The following TRIO variants were observed in gnomAD, a reference collection of about 807,000 sequenced individuals.
TRIO encodes the protein triple functional domain protein.
TRIO carries 58 observed loss-of-function variants against 351.9 expected under a neutral mutation model. That is an observed-to-expected ratio of 0.16 (90% CI 0.13 to 0.21). TRIO has a LOEUF of 0.21. Ranked by LOEUF, TRIO falls within the 10% of genes least tolerant of loss-of-function variation. TRIO has a pLI of 1.00. For missense variants in TRIO, 3,201 were observed against 4,027.8 expected (o/e 0.79, Z 5.56); for synonymous variants, 1,758 against 1,595.7 (o/e 1.10, Z -2.42).
chr5:14,391,367 C>T (rs1747069783), intron 27 of TRIO, among the ~76,000 whole-genome samples: 1 of 152,184 alleles, frequency 6.6e-6, no homozygotes, highest in Non-Finnish European at 1.5e-5. Context: ...TTTTCCCCCT[C>T]AGTAAAACAA....
chr5:14,496,806 C>G (rs1191927947), intron 49 of TRIO, 73 bp from the exon 50 acceptor site: 4 of 1,571,058 alleles, frequency 2.5e-6, no homozygotes, highest in Non-Finnish European at 3.5e-6. Context: ...TTCAGCTTTT[C>G]TTTAACGCTT....
At chr5:14,223,320 G>T (rs1039732524) in intron 1 of TRIO, among the ~76,000 whole-genome samples, 3 of 152,168 alleles carry the variant, frequency 2.0e-5, no homozygotes, top group Non-Finnish European at 4.4e-5. Flanking sequence ...CCAGAAAAAC[G>T]ATGTAAACAG....
chr5:14,470,471 T>C (rs1257912948), intron 37 of TRIO, among the ~76,000 whole-genome samples: 1 of 152,258 alleles, frequency 6.6e-6, no homozygotes, highest in Non-Finnish European at 1.5e-5. Flanking sequence ...ATAAATCTTA[T>C]GTGTTCTGTG....
At chr5:14,332,316 A>G (rs1355271281) in intron 10 of TRIO, among the ~76,000 whole-genome samples, 1 of 152,216 alleles carries the variant, frequency 6.6e-6, no homozygotes, top group Non-Finnish European at 1.5e-5. Context: ...TCATTTAGGA[A>G]AGCAGGAGAC....
At chr5:14,147,788 C>T (rs1487828197) in intron 1 of TRIO, among the ~76,000 whole-genome samples, 2 of 152,122 alleles carry the variant, frequency 1.3e-5, no homozygotes, top group Non-Finnish European at 2.9e-5. Flanking sequence ...TGGCCTGGGG[C>T]GGGCTGTGCT....
intron 8 of TRIO, among the ~76,000 whole-genome samples, chr5:14,307,121 A>C (rs1475717531): frequency 6.6e-6 from 1 of 152,192 alleles, no homozygotes; most frequent in Non-Finnish European, 1.5e-5. Flanking sequence ...GGGCTACAGG[A>C]AAGTGGTAGA....
At chr5:14,504,827 A>T (rs1245872214) in intron 55 of TRIO, among the ~76,000 whole-genome samples, 25 of 152,128 alleles carry the variant, frequency 1.6e-4, no homozygotes, top group Admixed American at 1.6e-3. Context: ...GCTGGGATGG[A>T]ACACCTGATA....
chr5:14,458,350 C>T (rs1459685456), intron 34 of TRIO, among the ~76,000 whole-genome samples: 1 of 152,110 alleles, frequency 6.6e-6, no homozygotes, highest in Non-Finnish European at 1.5e-5. Context: ...CAGATGAGGC[C>T]CCTGCCTTCC....
chr5:14,497,126 C>G lies in TRIO; in HGVS notation c.8019+109C>G. Reference sequence around the variant, plus strand: ...GCTGGGCTTGCTTATGACCTCCCTCCCACCCACCAGCCCCGTGCCCTGCGT... The same window carrying G: ...GCTGGGCTTGCTTATGACCTCCCTCGCACCCACCAGCCCCGTGCCCTGCGT... On this transcript the variant is annotated intron_variant, in intron 50 of 56. Coordinates refer to ENST00000344204, the MANE Select transcript of TRIO (RefSeq NM_007118.4). The surrounding 1 kb of genome is among the most constrained non-coding windows in gnomAD (Gnocchi z 4.4). The G allele has an allele frequency of 6.8e-7, 1 of 1,471,396 alleles. No homozygotes were observed. The highest frequency in any genetic ancestry group is 2.5e-5 in the East Asian group (1 of 40,780). 91.1% of individuals were successfully genotyped at this position (1,471,396 alleles called of 1,614,324 possible).
chr5:14,143,827 G>T lies in TRIO; in HGVS notation c.102G>T (p.Glu34Asp). 2.8e-6 allele frequency: 3 copies of T among 1,067,844 alleles called. No homozygotes were observed. The highest frequency in any genetic ancestry group is 4.4e-5 in the South Asian group (1 of 22,862). 66.1% of individuals were successfully genotyped at this position (1,067,844 alleles called of 1,614,324 possible). A position where few individuals can be genotyped will look rare whatever the true frequency, so the allele number is the denominator to read the frequency against. The change falls in exon 1 of 57, where the codon GAG becomes GAT. Residue 34 changes from glutamate (E) to aspartate (D), a missense_variant. Glu to Asp is a conservative substitution (Grantham distance 45, BLOSUM62 2). Around this residue, in one of 19 missense-constraint regions of TRIO, gnomAD observed 109 missense variants for 134.6 expected, o/e 0.81. Transcript: ENST00000344204. ...CGGGCTGCGGGGGCGGTGCCGGCGAGGGGGCAGAGGAGGCGGCCAAGGACC... is the reference window on the plus strand; with the variant it reads ...CGGGCTGCGGGGGCGGTGCCGGCGATGGGGCAGAGGAGGCGGCCAAGGACC... ...AGSGCGGGAGEGAEEAAKDLA... is the reference protein window; with the variant it reads ...AGSGCGGGAGDGAEEAAKDLA...
intron 37 of TRIO, among the ~76,000 whole-genome samples, chr5:14,467,900 A>G (rs763211810): frequency 3.3e-5 from 5 of 152,212 alleles, no homozygotes; most frequent in Non-Finnish European, 5.9e-5. Flanking sequence ...CAAGTTGATA[A>G]AACTGTCTAA....
chr5:14,478,772 G>A (rs1755288894), intron 41 of TRIO, among the ~76,000 whole-genome samples: 1 of 145,956 alleles, frequency 6.9e-6, no homozygotes, highest in Non-Finnish European at 1.5e-5. Context: ...TGAAAAAGCA[G>A]GACTCCATCC....
intron 34 of TRIO, among the ~76,000 whole-genome samples, chr5:14,428,800 A>G (rs1750854813): frequency 6.6e-6 from 1 of 152,232 alleles, no homozygotes; most frequent in African/African-American, 2.4e-5. Context: ...ACTTGCTTTA[A>G]ATGGCCATGA....
Position 14,419,788 on chromosome 5 carries a change from G to T in TRIO, c.4970G>T (p.Gly1657Val). The change falls in exon 34 of 57, where the codon GGC becomes GTC. Residue 1657 changes from glycine (G) to valine (V), a missense_variant. By Grantham distance (109) the Gly-to-Val change is moderately radical. Around this residue, in one of 19 missense-constraint regions of TRIO, gnomAD observed 136 missense variants for 229.5 expected, o/e 0.59. Coordinates refer to ENST00000344204, the MANE Select transcript of TRIO (RefSeq NM_007118.4). ...NTLDSDKLSG[G>V]CELTVVIHDF... Reference sequence around the variant, plus strand: ...CTCTGTTCCCCCCAGCTCTCTGGTGGCTGTGAGCTGACAGTGGTGATCCAT... The same window carrying T: ...CTCTGTTCCCCCCAGCTCTCTGGTGTCTGTGAGCTGACAGTGGTGATCCAT... 1.2e-6 allele frequency: 2 copies of T among 1,614,174 alleles called. No homozygotes were observed. The highest frequency in any genetic ancestry group is 1.3e-5 in the African/African-American group (1 of 75,040).
chr5:14,286,739 G>A lies in TRIO; in HGVS notation c.348-132G>A, dbSNP rs1188429057. 1.2e-6 allele frequency: 1 copy of A among 861,706 alleles called. No homozygotes were observed. Among genetic ancestry groups the A allele is most frequent in the East Asian group, 2.6e-5 (1 of 38,370 alleles). 53.4% of individuals were successfully genotyped at this position (861,706 alleles called of 1,614,324 possible). The stretch of plus-strand genomic sequence containing the variant: ...GGGACGAGAAGGAGCTGAGCACAGT[G>A]TGCTCCTTCCCCTGCCTCCGCACGT... On this transcript the variant is annotated intron_variant, in intron 3 of 56. Transcript: ENST00000344204. This position sits in a 1 kb window ranked among gnomAD's most constrained non-coding sequence, Gnocchi z 4.4.
intron 34 of TRIO, among the ~76,000 whole-genome samples, chr5:14,451,787 C>T (rs1007154824): frequency 1.3e-5 from 2 of 152,376 alleles, no homozygotes; most frequent in East Asian, 1.9e-4. Flanking sequence ...GAATTTTAAA[C>T]TAGCCCTTTG....
intron 5 of TRIO, among the ~76,000 whole-genome samples, chr5:14,292,096 T>C (rs1399355459): frequency 1.3e-5 from 2 of 152,254 alleles, no homozygotes; most frequent in African/African-American, 4.8e-5. Context: ...GAATTAATCA[T>C]TGAGTTTTAT....
intron 1 of TRIO, among the ~76,000 whole-genome samples, chr5:14,185,750 T>G (rs1251335965): frequency 6.6e-6 from 1 of 152,168 alleles, no homozygotes; most frequent in Non-Finnish European, 1.5e-5. Flanking sequence ...CGGGTTGATT[T>G]CTCTCATTTG....
At chr5:14,174,138 C>T (rs542225562) in intron 1 of TRIO, among the ~76,000 whole-genome samples, 2 of 152,198 alleles carry the variant, frequency 1.3e-5, no homozygotes, top group Non-Finnish European at 2.9e-5. Context: ...CGCTAGTTGC[C>T]TTCCACCCGT....
Sources: allele counts gnomAD v4.1 joint callset (sites outside exome capture counted in the v4.1 genomes callset), GRCh38; gene constraint gnomAD v4.1.1; regional missense constraint gnomAD v4.1.1; non-coding constraint Gnocchi (gnomAD v3.1); transcripts MANE v1.5; gene names NCBI Gene and HGNC (gene_info 2026-07-23, HGNC 2026-07-21).